COL15A1: variants seen among roughly 807,000 people sequenced by gnomAD.
COL15A1 encodes collagen type XV alpha 1 chain.
In COL15A1, 111 loss-of-function variants were observed where a neutral mutation model predicts 165.9. The ratio of observed to expected loss-of-function variants is 0.67; its 90% CI spans 0.57 to 0.78. COL15A1 has a LOEUF of 0.78. Ranked by LOEUF, COL15A1 falls within the 30% of genes least tolerant of loss-of-function variation. COL15A1 has a pLI of 0.00. For missense variants in COL15A1, 1,745 were observed against 1,789.7 expected (o/e 0.98, Z 0.45); for synonymous variants, 659 against 674.8 (o/e 0.98, Z 0.36).
chr9:99,044,825 T>C, intron 26 of COL15A1, 55 bp downstream of exon 26: 2 of 1,515,960 alleles, frequency 1.3e-6, no homozygotes, highest in Non-Finnish European at 1.8e-6. Context: ...GCATTTTTCA[T>C]ACTTTGATTT....
chr9:98,989,324 G>T, intron 5 of COL15A1, 66 bp downstream of exon 5: 1 of 1,299,836 alleles, frequency 7.7e-7, no homozygotes, highest in South Asian at 1.3e-5. Context: ...ATTACTAGAG[G>T]GGGCCCAGAG....
At chr9:98,947,646 A>G (rs1837606712) in intron 2 of COL15A1, among the ~76,000 whole-genome samples, 1 of 152,170 alleles carries the variant, frequency 6.6e-6, no homozygotes, top group Non-Finnish European at 1.5e-5. Flanking sequence ...CACAGCTCAC[A>G]ACTTAAAAGC....
At chr9:99,069,536 A>C in intron 41 of COL15A1, 137 bp from the exon 42 acceptor site, 1 of 1,121,516 alleles carries the variant, frequency 8.9e-7, no homozygotes, top group Non-Finnish European at 1.3e-6. Flanking sequence ...TAGCAAGGGC[A>C]ATGAGGATAG....
At chr9:98,970,210 T>C (rs955369075) in intron 2 of COL15A1, among the ~76,000 whole-genome samples, 37 of 152,268 alleles carry the variant, frequency 2.4e-4, no homozygotes, top group African/African-American at 7.7e-4. Flanking sequence ...ATTGAGCACT[T>C]ACCTATGCCA....
At chr9:99,064,704 G>C (rs2117992882) in intron 39 of COL15A1, among the ~76,000 whole-genome samples, 1 of 152,280 alleles carries the variant, frequency 6.6e-6, no homozygotes, top group Admixed American at 6.5e-5. Context: ...AGGCTGCCAG[G>C]AAATTCATAA....
chr9:98,997,017 T>A lies in COL15A1; in HGVS notation c.888T>A (p.Pro296=). The change falls in exon 6 of 42, where the codon CCT becomes CCA. Residue 296 remains proline (P), a synonymous_variant. Coordinates refer to ENST00000375001, the MANE Select transcript of COL15A1 (RefSeq NM_001855.5). ...AAGACATGGAACTTTCTGGTGAACC[T>A]GTACCCGAGGGGACCCTGGAAACCA... ...PFEDMELSGE[P]VPEGTLETTN... The A allele has an allele frequency of 6.2e-7, 1 of 1,614,204 alleles. No homozygotes were observed. The highest frequency in any genetic ancestry group is 8.5e-7 in the Non-Finnish European group (1 of 1,180,038).
At chr9:99,041,963 G>A in intron 23 of COL15A1, 82 bp from the exon 24 acceptor site, 2 of 931,554 alleles carry the variant, frequency 2.1e-6, no homozygotes, top group East Asian at 2.5e-5. Context: ...GTATTCTACT[G>A]TTGAGAAAAA....
intron 23 of COL15A1, among the ~76,000 whole-genome samples, chr9:99,041,604 T>C (rs1021812882): frequency 2.0e-5 from 3 of 152,078 alleles, no homozygotes; most frequent in East Asian, 1.9e-4. Flanking sequence ...GAGATGTTGA[T>C]GCCTGGCTGG....
At chr9:99,063,294 G>T (rs1294763151) in intron 39 of COL15A1, among the ~76,000 whole-genome samples, 185 bp downstream of exon 39, 1 of 152,166 alleles carries the variant, frequency 6.6e-6, no homozygotes, top group Non-Finnish European at 1.5e-5. Context: ...ACAGGGTGCT[G>T]GGGGTATAAG....
chr9:99,056,192 A>T, intron 34 of COL15A1, 68 bp from the exon 35 acceptor site: 1 of 1,430,456 alleles, frequency 7.0e-7, no homozygotes, highest in South Asian at 1.1e-5. Context: ...ATTCTCATAA[A>T]AGGACTAGAT....
At chr9:99,015,650 AG>A in intron 10 of COL15A1, 84 bp downstream of exon 10, 2 of 1,349,370 alleles carry the variant, frequency 1.5e-6, no homozygotes, top group Non-Finnish European at 2.1e-6. Flanking sequence ...TGGCCTTGGC[AG>A]GGGCACCTGT....
intron 2 of COL15A1, among the ~76,000 whole-genome samples, chr9:98,953,899 T>C (rs1837731774): frequency 6.6e-6 from 1 of 152,242 alleles, no homozygotes; most frequent in Non-Finnish European, 1.5e-5. Flanking sequence ...AAATGGTCTG[T>C]CTGTTCTGTA....
chr9:98,975,660 A>C (rs770060556), intron 2 of COL15A1, among the ~76,000 whole-genome samples: 8 of 152,158 alleles, frequency 5.3e-5, no homozygotes, highest in Non-Finnish European at 1.0e-4. Flanking sequence ...TCTGTCTCTG[A>C]AACCGTCTGA....
chr9:98,975,999 T>A (rs1463587564), intron 2 of COL15A1, among the ~76,000 whole-genome samples: 1 of 152,198 alleles, frequency 6.6e-6, no homozygotes, highest in Admixed American at 6.5e-5. Flanking sequence ...AGAGGGTGTC[T>A]CGAGTAGAAT....
chr9:98,984,677 A>C (rs928984781), intron 2 of COL15A1, among the ~76,000 whole-genome samples: 3 of 152,196 alleles, frequency 2.0e-5, no homozygotes, highest in African/African-American at 7.2e-5. Flanking sequence ...CAATGACGCA[A>C]ATTTCAATTG....
intron 2 of COL15A1, among the ~76,000 whole-genome samples, chr9:98,951,872 A>G (rs1185098989): frequency 6.6e-6 from 1 of 152,150 alleles, no homozygotes; most frequent in Non-Finnish European, 1.5e-5. Flanking sequence ...GTACCATTTT[A>G]AAAATGCCTT....
At chr9:99,005,324 G>A (rs1838741267) in intron 9 of COL15A1, among the ~76,000 whole-genome samples, 1 of 152,102 alleles carries the variant, frequency 6.6e-6, no homozygotes, top group African/African-American at 2.4e-5. Context: ...TCCACCCACA[G>A]GGGGTGGGAG....
intron 2 of COL15A1, among the ~76,000 whole-genome samples, chr9:98,964,726 C>T (rs1837927198): frequency 6.6e-6 from 1 of 152,140 alleles, no homozygotes; most frequent in Non-Finnish European, 1.5e-5. Context: ...TGGCCTGGAT[C>T]TTACAGTGGG....
intron 8 of COL15A1, 119 bp downstream of exon 8, chr9:99,003,706 G>A: frequency 8.7e-7 from 1 of 1,144,144 alleles, no homozygotes; most frequent in Non-Finnish European, 1.2e-6. Flanking sequence ...AGTCTCATGG[G>A]GGCAGTCTGT....
Sources: allele counts gnomAD v4.1 joint callset (sites outside exome capture counted in the v4.1 genomes callset), GRCh38; gene constraint gnomAD v4.1.1; transcripts MANE v1.5; gene names NCBI Gene and HGNC (gene_info 2026-07-23, HGNC 2026-07-21).